Variants in SMIM18 observed in about 807,000 individuals in gnomAD.
The protein encoded by SMIM18 is small integral membrane protein 18.
Under a neutral mutation model 5.9 loss-of-function variants are expected in SMIM18, and 4 were observed. The ratio of observed to expected loss-of-function variants is 0.68; its 90% confidence interval spans 0.33 to 1.56. The LOEUF (loss-of-function observed/expected upper bound fraction) is 1.56, where lower values mean the gene tolerates loss of function less well. Ranked by LOEUF, SMIM18 falls within the 40% of genes most tolerant of loss-of-function variation. The pLI, the probability that SMIM18 is intolerant of heterozygous loss-of-function variation, is 0.06. For missense variants in SMIM18, 89 were observed against 109.7 expected, an observed-to-expected ratio of 0.81 and a Z score of 0.84; for synonymous variants, 37 against 37.4, an observed-to-expected ratio of 0.99 and a Z score of 0.04.
At chr8:30,641,995 G>A (rs530832205) in intron 1 of SMIM18, among the ~76,000 whole-genome samples, 2 of 152,320 alleles carry the variant, frequency 1.3e-5, no homozygotes, top group East Asian at 1.9e-4. Flanking sequence ...ATTTTTATGT[G>A]TGAATAAAGT....
chr8:30,642,711 A>C (rs1302620791), intron 1 of SMIM18, among the ~76,000 whole-genome samples: 1 of 152,190 alleles, frequency 6.6e-6, no homozygotes, highest in African/African-American at 2.4e-5. Flanking sequence ...TGTTCTTTTC[A>C]CTTAAGAACA....
At chr8:30,640,548 T>A (rs1476305892) in intron 1 of SMIM18, among the ~76,000 whole-genome samples, 1 of 152,220 alleles carries the variant, frequency 6.6e-6, no homozygotes, top group Non-Finnish European at 1.5e-5. Context: ...TTTTAAGGCA[T>A]GGGTAGGGAA....
In SMIM18 at chr8:30,644,205, G is replaced by A. The variant is rs1187319585; in HGVS notation, c.-110-287G>A. Among the ~76,000 whole-genome samples the A allele has an allele frequency of 7.2e-5, 11 of 152,158 alleles. No homozygotes were observed. In the East Asian group the frequency reaches 2.1e-3, roughly 29 times the overall value. ...ACAGTCCCCATTTAAGAGCTAACAAGTACCAGGTCAACAAGAGCTAAACTT... is the reference window on the plus strand; with the variant it reads ...ACAGTCCCCATTTAAGAGCTAACAAATACCAGGTCAACAAGAGCTAAACTT... On this transcript the variant is annotated intron_variant, in intron 1 of 2. Coordinates refer to ENST00000517349, the MANE Select transcript of SMIM18 (RefSeq NM_001206847.2).
Position 30,645,641 on chromosome 8 carries a change from T to A in SMIM18, c.*44T>A, listed in dbSNP as rs777196014. 6.8e-7 allele frequency: 1 copy of A among 1,476,862 alleles called. No individual in the cohort carries two copies. Among genetic ancestry groups the A allele is most frequent in the Middle Eastern group, 1.9e-4 (1 of 5,360 alleles). The allele number at this position is 1,476,862 out of a possible 1,614,324, so 91.5% of individuals were successfully genotyped here. On this transcript the variant is annotated 3_prime_UTR_variant, in exon 3 of 3. Transcript: ENST00000517349. ...CAAAATCTCTGAAAGCAGCTCAACC[T>A]CTTCTGAGAAAAAAAATATATTCTG...
chr8:30,645,550 A>G lies in SMIM18; in HGVS notation c.241A>G (p.Arg81Gly). The G allele has an allele frequency of 6.5e-7, 1 of 1,535,702 alleles. No homozygotes were observed. The highest frequency in any genetic ancestry group is 8.7e-7 in the Non-Finnish European group (1 of 1,146,902). The change falls in exon 3 of 3, where the codon AGA becomes GGA. Residue 81 changes from arginine to glycine, a missense_variant. Physicochemically the swap from Arg to Gly is moderately radical, Grantham distance 125. Transcript: ENST00000517349. ...KDLKSEPNPL[R>G]SMMDNIRKRE... Reference sequence around the variant, plus strand: ...CTTGAAAAGTGAACCCAACCCTCTTAGAAGTATGATGGACAACATCAGAAA... The same window carrying G: ...CTTGAAAAGTGAACCCAACCCTCTTGGAAGTATGATGGACAACATCAGAAA...
At chr8:30,641,811 G>A (rs944490782) in intron 1 of SMIM18, among the ~76,000 whole-genome samples, 2 of 152,100 alleles carry the variant, frequency 1.3e-5, no homozygotes, top group African/African-American at 4.8e-5. Flanking sequence ...AGGATGCAGA[G>A]GTTGCAGTGA....
chr8:30,640,921 T>C (rs1409393749), intron 1 of SMIM18, among the ~76,000 whole-genome samples: 2 of 152,208 alleles, frequency 1.3e-5, no homozygotes, highest in East Asian at 3.8e-4. Context: ...GTCAGGCCAG[T>C]CTTGAACTTA....
rs1715476905 is a variant in SMIM18 at position 30,640,301 on chromosome 8, C to T, written c.-111+1662C>T. Among the ~76,000 whole-genome samples, 3 of 152,320 alleles carry T rather than the reference C, an allele frequency of 2.0e-5. No individual in the cohort carries two copies. The South Asian group carries it at 6.2e-4, about 32-fold the overall frequency. The stretch of plus-strand genomic sequence containing the variant: ...TACCATAAATACAGCAAAAGCATAA[C>T]TTTATTCTCATCTGGCAACCCAAAG... On this transcript the variant is annotated intron_variant, in intron 1 of 2. Transcript: ENST00000517349.
Position 30,645,825 on chromosome 8 carries a change from C to T in SMIM18, c.*228C>T. 2.3e-6 allele frequency: 1 copy of T among 439,646 alleles called. No individual in the cohort carries two copies. The highest frequency in any genetic ancestry group is 4.0e-6 in the Non-Finnish European group (1 of 249,536). 27.2% of individuals were successfully genotyped at this position (439,646 alleles called of 1,614,324 possible). On this transcript the variant is annotated 3_prime_UTR_variant, in exon 3 of 3. Coordinates refer to ENST00000517349, the MANE Select transcript of SMIM18 (RefSeq NM_001206847.2). ...TGTGAATTTACTAATCTGTTTAATA[C>T]TGACACTTCAAAAACTGGATAAAAG...
At chr8:30,645,211 C>G (rs1802022421) in intron 2 of SMIM18, 70 bp from the exon 3 acceptor site, 3 of 1,256,946 alleles carry the variant, frequency 2.4e-6, no homozygotes, top group Non-Finnish European at 3.2e-6. Flanking sequence ...ACTAAGAAAT[C>G]TTAGTACTGA....
Position 30,645,508 on chromosome 8 carries a change from A to G in SMIM18, c.199A>G (p.Asn67Asp). The G allele has an allele frequency of 1.3e-6, 2 of 1,535,692 alleles. No homozygotes were observed. The change falls in exon 3 of 3, where the codon AAC (asparagine) becomes GAC (aspartate). Residue 67 changes from asparagine to aspartate, a missense_variant. By Grantham distance (23) the Asn-to-Asp change is conservative (BLOSUM62 1). Coordinates refer to ENST00000517349, the MANE Select transcript of SMIM18 (RefSeq NM_001206847.2). ...GCTTGACTGCTGCTGCTGTGTAAAA[A>G]ACAAAACCGTGAAAGACTTGAAAAG... ...EVLDCCCCVK[N>D]KTVKDLKSEP...
Position 30,641,622 on chromosome 8 carries a change from T to A in SMIM18, c.-110-2870T>A, listed in dbSNP as rs971510673. Reference sequence around the variant, plus strand: ...CAGGCGCGGTGGCTCATGCCCGTAATCCCAGCACTTTTGGGAAGCCAAGGT... The same window carrying A: ...CAGGCGCGGTGGCTCATGCCCGTAAACCCAGCACTTTTGGGAAGCCAAGGT... On this transcript the variant is annotated intron_variant, in intron 1 of 2. Transcript: ENST00000517349. Among the ~76,000 whole-genome samples the A allele has an allele frequency of 3.9e-5, 6 of 152,126 alleles. No individual in the cohort carries two copies. The East Asian group carries it at 1.2e-3, about 29-fold the overall frequency.
At chr8:30,641,864 A>AGAC (rs1239496295) in intron 1 of SMIM18, among the ~76,000 whole-genome samples, 13 of 152,112 alleles carry the variant, frequency 8.5e-5, no homozygotes, top group Admixed American at 2.6e-4. Flanking sequence ...TGACAGAACG[A>AGAC]GACTCTGTCT....
At chr8:30,643,786 C>T (rs1365482413) in intron 1 of SMIM18, 9 of 151,428 alleles carry the variant, frequency 5.9e-5, no homozygotes, top group Non-Finnish European at 1.3e-4. Flanking sequence ...ATTTTTGAGG[C>T]CCTGCATCTG....
intron 1 of SMIM18, chr8:30,643,362 T>A (rs990186912): frequency 2.0e-5 from 3 of 152,146 alleles, no homozygotes; most frequent in Non-Finnish European, 4.4e-5. Context: ...GAAGTTGCAT[T>A]ATAAGTACAT....
intron 1 of SMIM18, among the ~76,000 whole-genome samples, chr8:30,643,216 T>C (rs1473948225): frequency 1.3e-5 from 2 of 152,180 alleles, no homozygotes; most frequent in Non-Finnish European, 2.9e-5. Flanking sequence ...TGGTTATGTT[T>C]AAAAATAGAG....
chr8:30,639,483 T>C (rs1222510226), intron 1 of SMIM18, among the ~76,000 whole-genome samples: 3 of 152,178 alleles, frequency 2.0e-5, no homozygotes, highest in African/African-American at 7.2e-5. Context: ...TTTGATAAAC[T>C]GCATTTTAAA....
intron 1 of SMIM18, among the ~76,000 whole-genome samples, chr8:30,641,441 C>A (rs1745208594): frequency 6.6e-6 from 1 of 152,178 alleles, no homozygotes; most frequent in Non-Finnish European, 1.5e-5. Flanking sequence ...CAGCTCACTG[C>A]AACCTCAACC....
intron 2 of SMIM18, among the ~76,000 whole-genome samples, chr8:30,644,864 G>A (rs1282321252): frequency 6.6e-6 from 1 of 151,688 alleles, no homozygotes; most frequent in Non-Finnish European, 1.5e-5. Flanking sequence ...AATCTTCCCG[G>A]CTTAGCCTCC....
Sources: allele counts gnomAD v4.1 joint callset (sites outside exome capture counted in the v4.1 genomes callset), GRCh38; gene constraint gnomAD v4.1.1; transcripts MANE v1.5; gene names NCBI Gene and HGNC (gene_info 2026-07-23, HGNC 2026-07-21).